The following THSD7B variants were observed in gnomAD, a reference collection of about 807,000 sequenced individuals.
The protein encoded by THSD7B is thrombospondin type 1 domain containing 7B.
THSD7B carries 138 observed loss-of-function variants against 213.6 expected under a neutral mutation model. The ratio of observed to expected loss-of-function variants is 0.65; its 90% confidence interval spans 0.56 to 0.74. THSD7B has a LOEUF of 0.74. THSD7B is among the 30% of genes least tolerant of loss of function. The pLI, the probability that THSD7B is intolerant of heterozygous loss-of-function variation, is 0.00. For missense variants in THSD7B, 1,931 were observed against 1,991.5 expected (o/e 0.97, Z 0.58); for synonymous variants, 742 against 687.0 (o/e 1.08, Z -1.25).
intron 12 of THSD7B, among the ~76,000 whole-genome samples, chr2:137,356,434 G>A (rs181675499): frequency 6.6e-6 from 1 of 152,190 alleles, no homozygotes; most frequent in Non-Finnish European, 1.5e-5. Flanking sequence ...TGCTTCTGAA[G>A]GAAAGCTGTC....
intron 3 of THSD7B, among the ~76,000 whole-genome samples, chr2:137,076,907 G>A (rs1385739575): frequency 6.6e-6 from 1 of 151,734 alleles, no homozygotes; most frequent in South Asian, 2.1e-4. Context: ...CATGTGCCAT[G>A]TTGGTGTGCT....
intron 10 of THSD7B, among the ~76,000 whole-genome samples, chr2:137,265,573 C>T (rs554196223): frequency 2.2e-4 from 33 of 152,302 alleles, no homozygotes; most frequent in Admixed American, 2.6e-4. Flanking sequence ...CCAAAACAGC[C>T]TTCTTTGAAT....
intron 2 of THSD7B, among the ~76,000 whole-genome samples, chr2:136,927,368 C>T (rs62172343): frequency 0.1 from 15,506 of 152,142 alleles, 1,030 homozygotes; most frequent in East Asian, 0.16. Context: ...TTCATTATTA[C>T]GCAAGAATAT....
intron 2 of THSD7B, among the ~76,000 whole-genome samples, chr2:136,988,969 T>A (rs2104813780): frequency 6.6e-6 from 1 of 152,300 alleles, no homozygotes; most frequent in Admixed American, 6.5e-5. Context: ...AATGAGTAGA[T>A]AAATACAGTA....
At chr2:137,008,714 A>G (rs1408328223) in intron 2 of THSD7B, among the ~76,000 whole-genome samples, 1 of 152,188 alleles carries the variant, frequency 6.6e-6, no homozygotes, top group African/African-American at 2.4e-5. Context: ...CAATTTGTGG[A>G]ACATTTTTAT....
intron 5 of THSD7B, among the ~76,000 whole-genome samples, chr2:137,149,628 G>A (rs1679774436): frequency 6.6e-6 from 1 of 152,224 alleles, no homozygotes; most frequent in African/African-American, 2.4e-5. Context: ...GCATCAGCAT[G>A]ACCTGGACAT....
chr2:137,478,910 G>A (rs1405213038), intron 15 of THSD7B, among the ~76,000 whole-genome samples: 1 of 152,218 alleles, frequency 6.6e-6, no homozygotes, highest in Non-Finnish European at 1.5e-5. Context: ...TGGTGACAGG[G>A]ATGTCAAGTA....
chr2:137,183,643 C>G (rs1413089884), intron 7 of THSD7B, among the ~76,000 whole-genome samples: 1 of 151,852 alleles, frequency 6.6e-6, no homozygotes, highest in Non-Finnish European at 1.5e-5. Flanking sequence ...CTGGCATATC[C>G]CTCTGGTAAT....
Position 137,150,403 on chromosome 2 carries a change from G to A in THSD7B, c.1370-9810G>A, listed in dbSNP as rs187285157. Among the ~76,000 whole-genome samples the A allele has an allele frequency of 5.5e-4, 83 of 152,270 alleles. 1 individual carries two copies. Among genetic ancestry groups the A allele is most frequent in the Admixed American group, 4.1e-3 (62 of 15,288 alleles). ...ACATGTTGTGGGAGGGGCTCAGTGG[G>A]AGGTAATTGAGATCATGAGGGTGGT... On this transcript the variant is annotated intron_variant, in intron 5 of 27. Transcript: ENST00000409968.
At chr2:136,808,165 C>T (rs938502491) in intron 1 of THSD7B, among the ~76,000 whole-genome samples, 1 of 152,224 alleles carries the variant, frequency 6.6e-6, no homozygotes, top group Non-Finnish European at 1.5e-5. Flanking sequence ...ACAGCACTTT[C>T]AGAATTATCA....
chr2:137,614,785 TC>T lies in THSD7B; in HGVS notation c.3424-1388del, dbSNP rs944131713. The stretch of plus-strand genomic sequence containing the variant: ...ATGGATAGTGAATGTGTATCAATGG[TC>T]CAAACTTTTACAATTAGAAGAAAAA... On this transcript the variant is annotated intron_variant, in intron 17 of 27. Coordinates refer to ENST00000409968, the MANE Select transcript of THSD7B (RefSeq NM_001316349.2). Among the ~76,000 whole-genome samples the T allele has an allele frequency of 7.2e-5, 11 of 152,282 alleles. No individual in the cohort carries two copies. The East Asian group carries it at 1.5e-3, about 21-fold the overall frequency.
intron 2 of THSD7B, among the ~76,000 whole-genome samples, chr2:136,994,444 T>G (rs1685843695): frequency 6.6e-6 from 1 of 151,898 alleles, no homozygotes; most frequent in Non-Finnish European, 1.5e-5. Context: ...GCGGGCGCCT[T>G]TAGTCCCAGC....
Position 137,498,175 on chromosome 2 carries a change from T to G in THSD7B, c.3138+47152T>G, listed in dbSNP as rs1424130822. On this transcript the variant is annotated intron_variant, in intron 15 of 27. Transcript: ENST00000409968. ...TGTTCAGATAAGTGTGAAATTAAATTAATCTATGGATTGTTGTATCTTCTA... is the reference window on the plus strand; with the variant it reads ...TGTTCAGATAAGTGTGAAATTAAATGAATCTATGGATTGTTGTATCTTCTA... 5.9e-5 allele frequency among the ~76,000 whole-genome samples: 9 copies of G among 152,354 alleles called. No homozygotes were observed. In the East Asian group the frequency reaches 1.7e-3, roughly 29 times the overall value.
intron 12 of THSD7B, among the ~76,000 whole-genome samples, chr2:137,310,190 G>T (rs1208720403): frequency 6.6e-6 from 1 of 152,104 alleles, no homozygotes; most frequent in Non-Finnish European, 1.5e-5. Context: ...TTTAATGATT[G>T]CCATTCTAAC....
chr2:137,580,311 T>C (rs1681547738), intron 17 of THSD7B, among the ~76,000 whole-genome samples: 1 of 152,158 alleles, frequency 6.6e-6, no homozygotes, highest in Non-Finnish European at 1.5e-5. Flanking sequence ...TAATGGGGTG[T>C]TTTCTTCCAT....
chr2:137,527,152 C>T (rs1368013414), intron 15 of THSD7B, among the ~76,000 whole-genome samples: 1 of 152,012 alleles, frequency 6.6e-6, no homozygotes, highest in Non-Finnish European at 1.5e-5. Context: ...AAGTTTAAAA[C>T]AAGCATTTTA....
At chr2:136,925,092 T>C (rs1225231841) in intron 2 of THSD7B, among the ~76,000 whole-genome samples, 1 of 152,188 alleles carries the variant, frequency 6.6e-6, no homozygotes, top group East Asian at 1.9e-4. Context: ...CTTTAGGCTT[T>C]TCCACACACA....
intron 15 of THSD7B, among the ~76,000 whole-genome samples, chr2:137,504,032 A>T (rs1289003933): frequency 2.0e-5 from 3 of 150,166 alleles, no homozygotes; most frequent in South Asian, 4.2e-4. Context: ...TCTCAAAAAA[A>T]AAAAGAAAAA....
At chr2:136,998,232 T>C (rs1685929187) in intron 2 of THSD7B, among the ~76,000 whole-genome samples, 2 of 129,130 alleles carry the variant, frequency 1.5e-5, no homozygotes, top group South Asian at 4.8e-4. Flanking sequence ...TCCTAAAATA[T>C]TCCTATACAT....
Sources: gnomAD v4.1 joint callset for allele counts (sites outside exome capture counted in the v4.1 genomes callset) on GRCh38, gnomAD v4.1.1 for gene constraint, MANE v1.5 for transcripts, NCBI Gene and HGNC (gene_info 2026-07-23, HGNC 2026-07-21) for gene names.